Variants in RRBP1 observed in about 807,000 individuals in gnomAD.
The protein encoded by RRBP1 is ribosome binding protein 1.
RRBP1 carries 94 observed loss-of-function variants against 165.2 expected under a neutral mutation model. That is an observed-to-expected ratio of 0.57 (90% confidence interval 0.48 to 0.68). RRBP1 has a LOEUF of 0.68. RRBP1 is among the 30% of genes least tolerant of loss of function. The probability of loss-of-function intolerance (pLI) is 0.00; values close to 1 mark genes in which losing one functional copy is unlikely to be tolerated. For synonymous variants in RRBP1, 680 were observed against 714.5 expected (o/e 0.95, Z 0.77); for missense variants, 1,676 against 1,763.0 (o/e 0.95, Z 0.88).
At position 17,633,587 on chromosome 20, in the gene RRBP1, C is replaced by T. The variant is rs375083522; in HGVS notation, c.2483G>A (p.Arg828Gln). The change falls in exon 8 of 25, where the codon CGG (arginine) becomes CAG (glutamine). Residue 828 changes from arginine to glutamine, a missense_variant. Arg to Gln is a conservative substitution (Grantham distance 43, BLOSUM62 1). Transcript: ENST00000377813. The part of the protein sequence containing the change: ...SKQNAELAKL[R>Q]QELSKVSKEL... Reference sequence around the variant, plus strand: ...TTTGCTGACCTTGCTGAGCTCCTGCCGAAGCTTGGCCAGCTCTGCGTTCTG... The same window carrying T: ...TTTGCTGACCTTGCTGAGCTCCTGCTGAAGCTTGGCCAGCTCTGCGTTCTG... 23 of 1,613,852 alleles carry T rather than the reference C, an allele frequency of 1.4e-5. No individual in the cohort carries two copies. The highest frequency in any genetic ancestry group is 1.9e-5 in the Non-Finnish European group (22 of 1,180,022).
At chr20:17,639,739 C>CA (rs1306275903) in intron 5 of RRBP1, among the ~76,000 whole-genome samples, 9 of 152,162 alleles carry the variant, frequency 5.9e-5, no homozygotes, top group Non-Finnish European at 1.3e-4. Context: ...ACTAAAAATA[C>CA]ACAATTAGCC....
At chr20:17,616,868 T>G (rs1195000172) in intron 20 of RRBP1, 29 bp from the exon 21 acceptor site, 1 of 1,541,708 alleles carries the variant, frequency 6.5e-7, no homozygotes, top group Admixed American at 1.7e-5. Context: ...TGTTTGCAAA[T>G]GCACAGCCAG....
intron 2 of RRBP1, among the ~76,000 whole-genome samples, chr20:17,670,501 C>T (rs1445631851): frequency 6.6e-6 from 1 of 150,886 alleles, no homozygotes; most frequent in Non-Finnish European, 1.5e-5. Flanking sequence ...CAAATCTTTA[C>T]CCCCCCAAAT....
chr20:17,671,339 T>C (rs1181717543), intron 2 of RRBP1, among the ~76,000 whole-genome samples: 2 of 152,244 alleles, frequency 1.3e-5, no homozygotes, highest in African/African-American at 4.8e-5. Context: ...TGTTCCTAAC[T>C]ATGGACTATT....
At chr20:17,632,624 T>C (rs1324723337) in intron 8 of RRBP1, among the ~76,000 whole-genome samples, 4 of 151,948 alleles carry the variant, frequency 2.6e-5, no homozygotes, top group African/African-American at 9.7e-5. Flanking sequence ...CACTACAGCC[T>C]GGTTTCAATG....
chr20:17,620,807 C>T lies in RRBP1; in HGVS notation c.3415G>A (p.Glu1139Lys). The T allele has an allele frequency of 2.5e-6, 4 of 1,601,592 alleles. No individual in the cohort carries two copies. The highest frequency in any genetic ancestry group is 3.4e-6 in the Non-Finnish European group (4 of 1,175,102). ...DQYRSILAETEGMLRDLQKSV... is the reference protein window; with the variant it reads ...DQYRSILAETKGMLRDLQKSV... ...TTCTGCAGGTCTCTGAGCATGCCCT[C>T]CTGGGGGGAAACCGAGGTGAGGCAG... is the stretch of plus-strand genomic sequence containing the variant. The change falls in exon 17 of 25, where the codon GAG becomes AAG. Residue 1139 changes from glutamate (E) to lysine (K), a missense_variant and splice_region_variant. Glu to Lys is a moderately conservative substitution (Grantham distance 56, BLOSUM62 1). This residue lies in a region of RRBP1 where 1,184 missense variants were observed against 1,167.1 expected (regional missense o/e 1.01). Coordinates refer to ENST00000377813, the MANE Select transcript of RRBP1 (RefSeq NM_001365613.2).
intron 13 of RRBP1, 79 bp downstream of exon 13, chr20:17,624,497 T>G: frequency 1.1e-6 from 1 of 928,216 alleles, no homozygotes. Context: ...GGTGTCCTAG[T>G]GCATCTGTAC....
chr20:17,636,013 C>G (rs1054239559), intron 6 of RRBP1, among the ~76,000 whole-genome samples: 1 of 152,240 alleles, frequency 6.6e-6, no homozygotes, highest in Non-Finnish European at 1.5e-5. Flanking sequence ...CCGCCTCTAA[C>G]CCCCCTGAGG....
intron 3 of RRBP1, among the ~76,000 whole-genome samples, chr20:17,657,068 G>A (rs1012436662): frequency 1.3e-5 from 2 of 152,238 alleles, no homozygotes; most frequent in African/African-American, 4.8e-5. Context: ...ATGACCATGG[G>A]ATGCAGGAAG....
intron 8 of RRBP1, 150 bp downstream of exon 8, chr20:17,633,310 G>T: frequency 1.2e-6 from 1 of 844,370 alleles, no homozygotes; most frequent in Non-Finnish European, 1.9e-6. Context: ...AAGAGTTTGA[G>T]CCCCAGCCCT....
intron 5 of RRBP1, among the ~76,000 whole-genome samples, chr20:17,640,586 G>A (rs1355591281): frequency 6.6e-6 from 1 of 152,160 alleles, no homozygotes; most frequent in Non-Finnish European, 1.5e-5. Flanking sequence ...GGGTGGAAGG[G>A]AGGCCACGCA....
In RRBP1 at chr20:17,620,705, C is replaced by T. The variant is rs1364656653; in HGVS notation, c.3507+10G>A. ...CCACGGCGCCGGGAGGCAGGCAGGG[C>T]TGCATATACCTTCTGGAGCTCCTCC... On this transcript the variant is annotated intron_variant, in intron 17 of 24. Coordinates refer to ENST00000377813, the MANE Select transcript of RRBP1 (RefSeq NM_001365613.2). 5 of 1,599,886 alleles carry T rather than the reference C, an allele frequency of 3.1e-6. No homozygotes were observed. The highest frequency in any genetic ancestry group is 4.5e-5 in the East Asian group (2 of 44,840).
chr20:17,679,196 G>A (rs1251591134), intron 2 of RRBP1, among the ~76,000 whole-genome samples: 1 of 152,230 alleles, frequency 6.6e-6, no homozygotes, highest in African/African-American at 2.4e-5. Flanking sequence ...AGGCCTAAAT[G>A]TAAACCACAG....
In RRBP1 at chr20:17,659,004, C is replaced by A. The variant is rs746355415; in HGVS notation, c.1504G>T (p.Ala502Ser). ...TGGCCCTGGTTCTGGGCTCCCTCGG[C>A]CTTTTTGCCCTGGTTCTGAGCCCCC... ...AEGAQNQGKK[A>S]EGAQNQGQKG... is the part of the protein sequence containing the mutation. The change falls in exon 3 of 25, where the codon GCC becomes TCC. Residue 502 changes from alanine (A) to serine (S), a missense_variant. Physicochemically the swap from Ala to Ser is moderately conservative, Grantham distance 99. Coordinates refer to ENST00000377813, the MANE Select transcript of RRBP1 (RefSeq NM_001365613.2). 20 of 1,600,378 alleles carry A rather than the reference C, an allele frequency of 1.2e-5. No individual in the cohort carries two copies. In the African/African-American group the frequency reaches 2.3e-4, roughly 18 times the overall value.
intron 11 of RRBP1, among the ~76,000 whole-genome samples, chr20:17,626,304 A>C (rs563568241): frequency 4.6e-5 from 7 of 152,302 alleles, no homozygotes; most frequent in African/African-American, 7.2e-5. Context: ...GCAAAACAAC[A>C]ACCTCTCTAC....
intron 3 of RRBP1, among the ~76,000 whole-genome samples, chr20:17,652,143 C>A (rs113750134): frequency 6.6e-6 from 1 of 152,220 alleles, no homozygotes; most frequent in Non-Finnish European, 1.5e-5. Context: ...TCTGCACAGA[C>A]CGGCTAGTGA....
chr20:17,623,210 G>A (rs1247836793), intron 13 of RRBP1: 1 of 152,260 alleles, frequency 6.6e-6, no homozygotes, highest in Admixed American at 6.5e-5. Flanking sequence ...ACAAGGCCAA[G>A]ATTCTAGGAG....
chr20:17,645,243 T>G (rs981113043), intron 3 of RRBP1, among the ~76,000 whole-genome samples: 1 of 152,198 alleles, frequency 6.6e-6, no homozygotes, highest in Non-Finnish European at 1.5e-5. Context: ...AGGGGCAGCA[T>G]GGCCACATGC....
Position 17,660,480 on chromosome 20 carries a change from C to T in RRBP1, c.28G>A (p.Gly10Arg). Residue 10 changes from glycine (G) to arginine (R), a missense_variant, in exon 3 of 25, where the codon GGG becomes AGG. By Grantham distance (125) the Gly-to-Arg change is moderately radical. Transcript: ENST00000377813. Reference protein sequence around the residue: MDIYDTQTLGVVVFGGFMVV... With the variant: MDIYDTQTLRVVVFGGFMVV... Reference sequence around the variant, plus strand: ...ATGAATCCTCCAAAGACCACAACCCCCAAGGTTTGAGTGTCGTAAATATCC... The same window carrying T: ...ATGAATCCTCCAAAGACCACAACCCTCAAGGTTTGAGTGTCGTAAATATCC... 6.2e-7 allele frequency: 1 copy of T among 1,613,982 alleles called. No individual in the cohort carries two copies. Among genetic ancestry groups the T allele is most frequent in the Non-Finnish European group, 8.5e-7 (1 of 1,179,938 alleles).
Sources: allele counts gnomAD v4.1 joint callset (sites outside exome capture counted in the v4.1 genomes callset), GRCh38; gene constraint gnomAD v4.1.1; regional missense constraint gnomAD v4.1.1; transcripts MANE v1.5; gene names NCBI Gene and HGNC (gene_info 2026-07-23, HGNC 2026-07-21).